MGST2: variants seen among roughly 807,000 people sequenced by gnomAD.
MGST2 encodes the protein glutathione peroxidase MGST2.
MGST2 carries 9 observed loss-of-function variants against 16.6 expected under a neutral mutation model. That is an observed-to-expected ratio of 0.54 (90% CI 0.33 to 0.95). The LOEUF (loss-of-function observed/expected upper bound fraction) is 0.95, where lower values mean the gene tolerates loss of function less well. MGST2 is among the 40% of genes least tolerant of loss of function. MGST2 has a pLI of 0.03. For missense variants in MGST2, 159 were observed against 175.1 expected (o/e 0.91, Z 0.52); for synonymous variants, 79 against 68.0 (o/e 1.16, Z -0.79).
chr4:139,719,353 C>T, intron 5 of MGST2: 1 of 1,603,774 alleles, frequency 6.2e-7, no homozygotes, highest in Admixed American at 1.7e-5. Context: ...CATCAAGCTC[C>T]TGCATCCACT....
Position 139,667,644 on chromosome 4 carries a change from G to A in MGST2, c.58+1567G>A, listed in dbSNP as rs551692188. Among the ~76,000 whole-genome samples, 5 of 152,234 alleles carry A rather than the reference G, an allele frequency of 3.3e-5. No homozygotes were observed. In the East Asian group the frequency reaches 5.8e-4, roughly 18 times the overall value. On this transcript the variant is annotated intron_variant, in intron 1 of 4. Transcript: ENST00000265498. ...GGAGGCCAAGGCAGGTGGATCACGA[G>A]GTCAAGAGATCGAGACCATCCTGGC...
At chr4:139,739,996 T>G (rs894712439) in intron 5 of MGST2, among the ~76,000 whole-genome samples, 2 of 152,292 alleles carry the variant, frequency 1.3e-5, no homozygotes, top group African/African-American at 4.8e-5. Context: ...ACAGACATGC[T>G]TAAGTGGCAG....
intron 3 of MGST2, among the ~76,000 whole-genome samples, chr4:139,701,618 G>A (rs916152969): frequency 6.6e-6 from 1 of 152,060 alleles, no homozygotes; most frequent in African/African-American, 2.4e-5. Context: ...AAGTCAGGGA[G>A]CTTGTATCTT....
rs1560747824 is a variant in MGST2, at chr4:139,691,684, TGATGATG to T, written c.159-3512_159-3506del. On this transcript the variant is annotated intron_variant, in intron 2 of 4. Coordinates refer to ENST00000265498, the MANE Select transcript of MGST2 (RefSeq NM_002413.5). The stretch of plus-strand genomic sequence containing the variant: ...GGCAGTCAGATGATGATGATGATGA[TGATGATG>T]ATGATGATTATTATTATTATTATTT... Among the ~76,000 whole-genome samples, 264 of 140,622 alleles carry T rather than the reference TGATGATG, an allele frequency of 1.9e-3. 2 individuals are homozygous for T. The highest frequency in any genetic ancestry group is 6.5e-3 in the African/African-American group (250 of 38,376). The allele number at this position is 140,622 out of a possible 152,430, so 92.3% of individuals were successfully genotyped here.
chr4:139,690,249 C>T (rs1398094941), intron 2 of MGST2, among the ~76,000 whole-genome samples: 2 of 152,118 alleles, frequency 1.3e-5, no homozygotes, highest in African/African-American at 4.8e-5. Context: ...GCCTCGGCCT[C>T]CCAAACTGCT....
In MGST2 at chr4:139,713,565, A is replaced by G. The variant is rs982315894; in HGVS notation, c.*48+9369A>G. ...CCAGAAAAACAAGTTCCAAAAAGAG[A>G]AAATCATTAATGGCCTTTTAAATAT... On this transcript the variant is annotated intron_variant, in intron 5 of 5. Transcript: ENST00000616265. Among the ~76,000 whole-genome samples the G allele has an allele frequency of 3.3e-5, 5 of 152,300 alleles. No homozygotes were observed. In the South Asian group the frequency reaches 8.3e-4, roughly 25 times the overall value.
the MGST2 span, among the ~76,000 whole-genome samples, chr4:139,748,931 A>G: frequency 6.6e-6 from 1 of 152,022 alleles, no homozygotes; most frequent in East Asian, 1.9e-4. Context: ...CATGCACACC[A>G]TTTTGACCCT....
chr4:139,711,786 G>C (rs567451257), intron 5 of MGST2, among the ~76,000 whole-genome samples: 37 of 152,218 alleles, frequency 2.4e-4, no homozygotes, highest in African/African-American at 8.4e-4. Context: ...TGGAGTTGCC[G>C]CCTCTGACAT....
At position 139,678,699 on chromosome 4, in the gene MGST2, C is replaced by T. The variant is rs540645035; in HGVS notation, c.158+57C>T. 6.0e-5 allele frequency: 80 copies of T among 1,333,670 alleles called. 1 individual carries two copies. In the South Asian group the frequency reaches 7.5e-4, roughly 13 times the overall value. 82.6% of individuals were successfully genotyped at this position (1,333,670 alleles called of 1,614,324 possible). ...CTGTGCCTGCCATACAGACACAATT[C>T]CTGACTAGGGGAAAGGGATATGGAG... On this transcript the variant is annotated intron_variant, in intron 2 of 4. Coordinates refer to ENST00000265498, the MANE Select transcript of MGST2 (RefSeq NM_002413.5).
chr4:139,732,165 AAC>A (rs1451407240), intron 5 of MGST2, among the ~76,000 whole-genome samples: 1 of 152,248 alleles, frequency 6.6e-6, no homozygotes, highest in Non-Finnish European at 1.5e-5. Flanking sequence ...ATTGGATTTT[AAC>A]ATTTTTCTTC....
At chr4:139,737,945 C>T (rs1317782994) in intron 5 of MGST2, among the ~76,000 whole-genome samples, 2 of 152,166 alleles carry the variant, frequency 1.3e-5, no homozygotes, top group South Asian at 2.1e-4. Flanking sequence ...AGGCAGAGTT[C>T]ATCAATTTAG....
chr4:139,711,136 C>T lies in MGST2; in HGVS notation c.*48+6940C>T, dbSNP rs150774458. The stretch of plus-strand genomic sequence containing the variant: ...TCAGGTGATTCTCCCACCTCAGCCT[C>T]CTGAGTAGCTGGGACTACAGGAATG... On this transcript the variant is annotated intron_variant, in intron 5 of 5. Coordinates refer to the MGST2 transcript ENST00000616265. Among the ~76,000 whole-genome samples the T allele has an allele frequency of 2.1e-3, 325 of 152,024 alleles. 6 individuals carry two copies. The highest frequency in any genetic ancestry group is 0.019 in the Admixed American group (297 of 15,272).
intron 2 of MGST2, among the ~76,000 whole-genome samples, chr4:139,692,720 C>G (rs1394434782): frequency 6.6e-6 from 1 of 152,126 alleles, no homozygotes; most frequent in Non-Finnish European, 1.5e-5. Flanking sequence ...CCAAAACATC[C>G]CCTCTATTTT....
At position 139,715,860 on chromosome 4, in the gene MGST2, C is replaced by T. The variant is rs1222476894; in HGVS notation, c.*48+11664C>T. Among the ~76,000 whole-genome samples the T allele has an allele frequency of 6.8e-6, 1 of 147,140 alleles. No homozygotes were observed. Among genetic ancestry groups the T allele is most frequent in the Non-Finnish European group, 1.5e-5 (1 of 67,990 alleles). Reference sequence around the variant, plus strand: ...ATGCCGTGTATTTTGTGCTGAACTCCTATCTCATCCTGTGACTTAGAATGC... The same window carrying T: ...ATGCCGTGTATTTTGTGCTGAACTCTTATCTCATCCTGTGACTTAGAATGC... On this transcript the variant is annotated intron_variant, in intron 5 of 5. Coordinates refer to the MGST2 transcript ENST00000616265. This position sits in a 1 kb window ranked among gnomAD's most constrained non-coding sequence, Gnocchi z 4.4.
chr4:139,753,757 C>T, the MGST2 span, among the ~76,000 whole-genome samples: 1 of 152,096 alleles, frequency 6.6e-6, no homozygotes, highest in Non-Finnish European at 1.5e-5. Flanking sequence ...TCTGTTTGTC[C>T]ATCTGTGGAT....
At chr4:139,708,929 G>A (rs1272297648), downstream of MGST2, among the ~76,000 whole-genome samples, 2 of 150,836 alleles carry the variant, frequency 1.3e-5, no homozygotes, top group African/African-American at 4.9e-5. Context: ...TTGAACCCAG[G>A]AGGAGGTTGT....
At chr4:139,749,977 T>C in the MGST2 span, among the ~76,000 whole-genome samples, 1 of 148,818 alleles carries the variant, frequency 6.7e-6, no homozygotes, top group Non-Finnish European at 1.5e-5. Context: ...ACAGCTATCA[T>C]TTCATTAATA....
intron 5 of MGST2, among the ~76,000 whole-genome samples, chr4:139,733,483 T>A (rs1728805316): frequency 6.8e-6 from 1 of 147,780 alleles, no homozygotes; most frequent in African/African-American, 2.5e-5. Context: ...GCAAATGGGG[T>A]GACGACGATA....
At chr4:139,730,884 GCT>G (rs139783952) in intron 5 of MGST2, 41,485 of 586,150 alleles carry the variant, frequency 0.071, 1,815 homozygotes, top group East Asian at 0.093. Flanking sequence ...AGAGAGCATG[GCT>G]CTGGGAAGTC....
Sources: allele counts gnomAD v4.1 joint callset (sites outside exome capture counted in the v4.1 genomes callset), GRCh38; gene constraint gnomAD v4.1.1; non-coding constraint Gnocchi (gnomAD v3.1); transcripts MANE v1.5; gene names NCBI Gene and HGNC (gene_info 2026-07-23, HGNC 2026-07-21).